Variants in SKA3 observed in about 807,000 individuals in gnomAD.
SKA3 encodes spindle and kinetochore associated complex subunit 3.
SKA3 carries 39 observed loss-of-function variants against 44.2 expected under a neutral mutation model. That is an observed-to-expected ratio of 0.88 (90% CI 0.68 to 1.15). The LOEUF is 1.15. SKA3 is among the 50% of genes most tolerant of loss of function. The pLI, the probability that SKA3 is intolerant of heterozygous loss-of-function variation, is 0.00. For missense variants in SKA3, 511 were observed against 485.8 expected, an observed-to-expected ratio of 1.05 and a Z score of -0.49; for synonymous variants, 192 against 172.0, an observed-to-expected ratio of 1.12 and a Z score of -0.91.
rs764284215 is a variant in SKA3, at chr13:21,157,902, A to AT, written c.1119+19_1119+20insA. On this transcript the variant is annotated intron_variant, in intron 7 of 8. Coordinates refer to ENST00000314759, the MANE Select transcript of SKA3 (RefSeq NM_145061.6). ...AAAGAATATCAGCAAAAAAAAAAAA[A>AT]AATAGCCTGGAAAAATAACCTGGAG... 6.8e-7 allele frequency: 1 copy of AT among 1,470,058 alleles called. No individual in the cohort carries two copies. The highest frequency in any genetic ancestry group is 9.1e-7 in the Non-Finnish European group (1 of 1,101,866). The allele number at this position is 1,470,058 out of a possible 1,614,324, so 91.1% of individuals were successfully genotyped here. A position where few individuals can be genotyped will look rare whatever the true frequency, so the allele number is the denominator to read the frequency against.
Position 21,175,899 on chromosome 13 carries a change from T to C in SKA3, c.103+476A>G, listed in dbSNP as rs900489188. On this transcript the variant is annotated intron_variant, in intron 1 of 8. Coordinates refer to ENST00000314759, the MANE Select transcript of SKA3 (RefSeq NM_145061.6). Reference sequence around the variant, plus strand: ...AGTGAGAAAAAAGTCACTATATGTGTAAAGTATTGTGTAAAGAACGTTAAA... The same window carrying C: ...AGTGAGAAAAAAGTCACTATATGTGCAAAGTATTGTGTAAAGAACGTTAAA... Among the ~76,000 whole-genome samples the C allele has an allele frequency of 3.3e-5, 5 of 152,210 alleles. 1 individual carries two copies. Among genetic ancestry groups the C allele is most frequent in the South Asian group, 4.1e-4 (2 of 4,830 alleles).
At chr13:21,160,517 A>G (rs2137361912) in intron 5 of SKA3, among the ~76,000 whole-genome samples, 1 of 152,244 alleles carries the variant, frequency 6.6e-6, no homozygotes, top group South Asian at 2.1e-4. Context: ...AAAAAACAAC[A>G]AAGAGAAAAG....
chr13:21,168,395 G>A lies in SKA3; in HGVS notation c.336C>T (p.His112=), dbSNP rs375302294. The A allele has an allele frequency of 5.7e-6, 9 of 1,587,298 alleles. No homozygotes were observed. Among genetic ancestry groups the A allele is most frequent in the African/African-American group, 1.4e-5 (1 of 73,452 alleles). ...YSPRVKKNSV[H]EQEAINSDPE... is the part of the protein sequence containing the mutation. ...GGTCAGAGTTAATGGCTTCTTGCTC[G>A]TGTACTAGGAGGAAAAATCAGAATA... The change falls in exon 4 of 9, where the codon CAC becomes CAT. Residue 112 remains histidine (H), a synonymous_variant. Coordinates refer to ENST00000314759, the MANE Select transcript of SKA3 (RefSeq NM_145061.6).
In SKA3 at chr13:21,155,159, G is replaced by C; in HGVS notation, c.*-9C>G. 8.2e-7 allele frequency: 1 copy of C among 1,212,888 alleles called. No homozygotes were observed. The allele number at this position is 1,212,888 out of a possible 1,614,324, so 75.1% of individuals were successfully genotyped here. A position where few individuals can be genotyped will look rare whatever the true frequency, so the allele number is the denominator to read the frequency against. ...TAGATCCACTGGAATTTCTGCAACA[G>C]ATACAAATAACAAATATCAATTTAA... On this transcript the variant is annotated splice_polypyrimidine_tract_variant and intron_variant, in intron 8 of 8. Coordinates refer to ENST00000314759, the MANE Select transcript of SKA3 (RefSeq NM_145061.6).
At position 21,155,136 on chromosome 13, in the gene SKA3, G is replaced by C; in HGVS notation, c.*14C>G. 1 of 1,612,480 alleles carries C rather than the reference G, an allele frequency of 6.2e-7. No individual in the cohort carries two copies. The highest frequency in any genetic ancestry group is 8.5e-7 in the Non-Finnish European group (1 of 1,179,174). ...TTTTGTTCAGTTTCTGTGTTGGATAGATCCACTGGAATTTCTGCAACAGAT... is the reference window on the plus strand; with the variant it reads ...TTTTGTTCAGTTTCTGTGTTGGATACATCCACTGGAATTTCTGCAACAGAT... On this transcript the variant is annotated 3_prime_UTR_variant, in exon 9 of 9. Transcript: ENST00000314759.
chr13:21,160,139 T>C, intron 5 of SKA3, 152 bp from the exon 6 acceptor site: 1 of 491,080 alleles, frequency 2.0e-6, no homozygotes, highest in Non-Finnish European at 3.5e-6. Flanking sequence ...CAAATAGTTG[T>C]GTTGTAATAT....
chr13:21,163,409 A>G (rs1385615558), intron 4 of SKA3, among the ~76,000 whole-genome samples: 1 of 152,182 alleles, frequency 6.6e-6, no homozygotes, highest in African/African-American at 2.4e-5. Context: ...TGTTATATAT[A>G]TAACACTATA....
intron 1 of SKA3, 89 bp downstream of exon 1, chr13:21,176,286 G>A (rs899319111): frequency 1.7e-5 from 17 of 1,016,198 alleles, no homozygotes; most frequent in Non-Finnish European, 1.4e-5. Context: ...AGTGCCTGGC[G>A]GTTCCCGTGG....
chr13:21,164,129 C>T lies in SKA3; in HGVS notation c.744-2254G>A, dbSNP rs572151565. Among the ~76,000 whole-genome samples, 25 of 152,168 alleles carry T rather than the reference C, an allele frequency of 1.6e-4. No individual in the cohort carries two copies. The South Asian group carries it at 5.2e-3, about 32-fold the overall frequency. On this transcript the variant is annotated intron_variant, in intron 4 of 8. Transcript: ENST00000314759. ...TGGGATGTCTGTCTTTCACTAATTA[C>T]TGCATATGGGTTTTTAAAACCTGTT...
At chr13:21,175,087 C>T (rs1015188752) in intron 1 of SKA3, among the ~76,000 whole-genome samples, 2 of 151,870 alleles carry the variant, frequency 1.3e-5, no homozygotes, top group African/African-American at 2.4e-5. Flanking sequence ...AGCGATTCTC[C>T]CACCTCAGCC....
chr13:21,173,481 T>G (rs1041096733), intron 1 of SKA3, among the ~76,000 whole-genome samples: 7 of 152,186 alleles, frequency 4.6e-5, no homozygotes, highest in African/African-American at 1.7e-4. Flanking sequence ...GGTCTTGAAC[T>G]CCTGACCTCA....
At chr13:21,172,565 A>C (rs945193154) in intron 2 of SKA3, 55 bp downstream of exon 2, 4 of 1,371,206 alleles carry the variant, frequency 2.9e-6, no homozygotes, top group Non-Finnish European at 2.9e-6. Context: ...TCTATTTAGG[A>C]TAAAAAAATT....
At chr13:21,171,922 A>T (rs1039899013) in intron 3 of SKA3, among the ~76,000 whole-genome samples, 1 of 152,252 alleles carries the variant, frequency 6.6e-6, no homozygotes, top group Admixed American at 6.5e-5. Context: ...TTTATAGCCA[A>T]TATCTCTTTC....
chr13:21,163,776 T>G (rs1870563633), intron 4 of SKA3, among the ~76,000 whole-genome samples: 3 of 152,226 alleles, frequency 2.0e-5, no homozygotes, highest in African/African-American at 7.2e-5. Flanking sequence ...GGGGTTTTTT[T>G]GTTTTGAGAT....
At chr13:21,175,180 G>A (rs1184127455) in intron 1 of SKA3, among the ~76,000 whole-genome samples, 1 of 151,322 alleles carries the variant, frequency 6.6e-6, no homozygotes, top group Non-Finnish European at 1.5e-5. Context: ...GTTTCACCAC[G>A]TTGGCCAGGC....
Position 21,176,419 on chromosome 13 carries a change from C to T in SKA3, c.59G>A (p.Cys20Tyr), listed in dbSNP as rs764341783. 1 of 1,585,722 alleles carries T rather than the reference C, an allele frequency of 6.3e-7. No homozygotes were observed. The highest frequency in any genetic ancestry group is 1.8e-5 in the Admixed American group (1 of 55,824). ...KLRSLASTLD[C>Y]ETARLQRALD... Reference sequence around the variant, plus strand: ...CGCTCGCTGCAGCCGGGCCGTCTCGCAGTCCAGCGTGCTGGCCAGAGACCG... The same window carrying T: ...CGCTCGCTGCAGCCGGGCCGTCTCGTAGTCCAGCGTGCTGGCCAGAGACCG... The change falls in exon 1 of 9, where the codon TGC becomes TAC. Residue 20 changes from cysteine to tyrosine, a missense_variant. Physicochemically the swap from Cys to Tyr is radical, Grantham distance 194. Coordinates refer to ENST00000314759, the MANE Select transcript of SKA3 (RefSeq NM_145061.6).
Position 21,157,994 on chromosome 13 carries a change from A to G in SKA3, c.1047T>C (p.Ile349=), listed in dbSNP as rs1360573778. 6.2e-7 allele frequency: 1 copy of G among 1,613,580 alleles called. No homozygotes were observed. Among genetic ancestry groups the G allele is most frequent in the Admixed American group, 1.7e-5 (1 of 60,016 alleles). Residue 349 remains isoleucine, a synonymous_variant, in exon 7 of 9, where the codon ATT becomes ATC. Coordinates refer to ENST00000314759, the MANE Select transcript of SKA3 (RefSeq NM_145061.6). The part of the protein sequence containing the change: ...ENLTDPSSPT[I]SSYENLLRTP... ...TTCTGAGCAGATTCTCATAAGAAGAAATCGTAGGTGAAGAGGGATCTGTTA... is the reference window on the plus strand; with the variant it reads ...TTCTGAGCAGATTCTCATAAGAAGAGATCGTAGGTGAAGAGGGATCTGTTA...
At chr13:21,165,186 G>C (rs1198895011) in intron 4 of SKA3, among the ~76,000 whole-genome samples, 1 of 151,350 alleles carries the variant, frequency 6.6e-6, no homozygotes, top group East Asian at 1.9e-4. Flanking sequence ...ATACCTTCAG[G>C]ATCACTTGAG....
intron 7 of SKA3, among the ~76,000 whole-genome samples, chr13:21,156,785 G>A (rs1339474986): frequency 0.027 from 97 of 3,576 alleles, 43 homozygotes; most frequent in African/African-American, 0.048. Flanking sequence ...CGTGGGCCGG[G>A]CGCGGTGGCT....
Sources: gnomAD v4.1 joint callset for allele counts (sites outside exome capture counted in the v4.1 genomes callset) on GRCh38, gnomAD v4.1.1 for gene constraint, MANE v1.5 for transcripts, NCBI Gene and HGNC (gene_info 2026-07-23, HGNC 2026-07-21) for gene names.